The following ARHGEF2 variants were observed in gnomAD, a reference collection of about 807,000 sequenced individuals.
ARHGEF2 encodes the protein Rho/Rac guanine nucleotide exchange factor 2.
A neutral mutation model predicts 121.0 loss-of-function variants in ARHGEF2; 22 were observed. The ratio of observed to expected loss-of-function variants is 0.18; its 90% confidence interval spans 0.13 to 0.26. The LOEUF is 0.26. ARHGEF2 is among the 10% of genes least tolerant of loss of function. ARHGEF2 has a pLI of 1.00. For synonymous variants in ARHGEF2, 487 were observed against 530.0 expected (o/e 0.92, Z 1.11); for missense variants, 907 against 1,336.0 (o/e 0.68, Z 5.01).
chr1:155,964,205 T>C (rs1221589170), intron 7 of ARHGEF2, among the ~76,000 whole-genome samples: 2 of 130,588 alleles, frequency 1.5e-5, no homozygotes, highest in African/African-American at 6.1e-5. Context: ...TATACATATA[T>C]ATATATATAT....
chr1:155,958,247 G>A (rs1677094924), intron 12 of ARHGEF2, 73 bp downstream of exon 12: 1 of 1,273,386 alleles, frequency 7.9e-7, no homozygotes, highest in South Asian at 1.2e-5. Context: ...AGCTCTCGTG[G>A]GCTTGGGCAG....
Position 155,965,243 on chromosome 1 carries a change from T to C in ARHGEF2, c.580+60A>G. ...TCCTTCCAGGCTACTCCCACCAGCC[T>C]CTCATCCCCCAGCCCCTCTTCATGT... On this transcript the variant is annotated intron_variant, in intron 6 of 21. Transcript: ENST00000361247. This position sits in a 1 kb window ranked among gnomAD's most constrained non-coding sequence, Gnocchi z 6.0. 1 of 1,607,146 alleles carries C rather than the reference T, an allele frequency of 6.2e-7. No homozygotes were observed. Among genetic ancestry groups the C allele is most frequent in the East Asian group, 2.2e-5 (1 of 44,808 alleles).
chr1:155,953,265 C>CAAA (rs71827896), intron 14 of ARHGEF2, among the ~76,000 whole-genome samples: 4 of 133,806 alleles, frequency 3.0e-5, no homozygotes, highest in Admixed American at 1.5e-4. Context: ...GACTCTGTCT[C>CAAA]AAAAAAAAAA....
chr1:155,959,574 T>A (rs1467698792), intron 11 of ARHGEF2, among the ~76,000 whole-genome samples: 6 of 152,142 alleles, frequency 3.9e-5, no homozygotes, highest in Admixed American at 3.9e-4. Flanking sequence ...GGACCAAGTA[T>A]CGCTCTGTCG....
Position 155,962,675 on chromosome 1 carries a change from T to A in ARHGEF2, c.1019A>T (p.Glu340Val). 6.2e-7 allele frequency: 1 copy of A among 1,614,064 alleles called. No homozygotes were observed. Residue 340 changes from glutamate (E) to valine (V), a missense_variant, in exon 9 of 22, where the codon GAG becomes GTG. Transcript: ENST00000361247. The surrounding 1 kb of genome is among the most constrained non-coding windows in gnomAD (Gnocchi z 5.8). ...SAEQMCKTYS[E>V]FCSRHSKALK... is the part of the protein sequence containing the mutation. ...GGCCTTGCTGTGGCGGCTGCAGAAC[T>A]CCGAGTAGGTCTTACACATCTGCTC...
At chr1:155,972,349 C>A in intron 1 of ARHGEF2, 1 of 457,836 alleles carries the variant, frequency 2.2e-6, no homozygotes, top group South Asian at 1.5e-5. Context: ...CAGCAGCAAG[C>A]GACCCTGGCA....
At chr1:155,977,517 G>A (rs1408360477) in intron 1 of ARHGEF2, among the ~76,000 whole-genome samples, 1 of 151,428 alleles carries the variant, frequency 6.6e-6, no homozygotes, top group Non-Finnish European at 1.5e-5. Context: ...GAGCGCTGGG[G>A]GAGGAGGAGG....
chr1:155,947,493 C>T lies in ARHGEF2; in HGVS notation c.*449G>A. The stretch of plus-strand genomic sequence containing the variant: ...AAAGGGCAGTAGGGTGCTGTGGCTG[C>T]AGCCTCTCCTCCAAGACGGATGTTG... On this transcript the variant is annotated 3_prime_UTR_variant, in exon 22 of 22. Transcript: ENST00000361247. The T allele has an allele frequency of 2.2e-6, 1 of 447,036 alleles. No homozygotes were observed. The highest frequency in any genetic ancestry group is 4.5e-6 in the Non-Finnish European group (1 of 222,416). The allele number at this position is 447,036 out of a possible 1,614,324, so 27.7% of individuals were successfully genotyped here.
At chr1:155,966,689 G>T in intron 3 of ARHGEF2, 131 bp downstream of exon 3, 1 of 1,161,456 alleles carries the variant, frequency 8.6e-7, no homozygotes. Flanking sequence ...CTGGGGTTGA[G>T]GGTCTGGGCT....
intron 21 of ARHGEF2, among the ~76,000 whole-genome samples, chr1:155,949,672 T>C (rs1422681848): frequency 6.7e-6 from 1 of 149,724 alleles, no homozygotes; most frequent in Non-Finnish European, 1.5e-5. Flanking sequence ...AGGTCAGCCG[T>C]TCAAGACCAA....
intron 1 of ARHGEF2, chr1:155,971,073 A>C (rs1331059551): frequency 3.0e-6 from 3 of 985,844 alleles, no homozygotes; most frequent in Non-Finnish European, 3.6e-6. Context: ...TCTCCCGCCC[A>C]CAGCCTCTCC....
chr1:155,956,844 T>C (rs575101461), intron 13 of ARHGEF2, among the ~76,000 whole-genome samples: 1 of 133,782 alleles, frequency 7.5e-6, no homozygotes, highest in Non-Finnish European at 1.5e-5. Flanking sequence ...TAGTCCCAGC[T>C]ACTCAGGAGG....
Position 155,961,797 on chromosome 1 carries a change from C to T in ARHGEF2, c.1332G>A (p.Glu444=), listed in dbSNP as rs1282141418. 1.9e-6 allele frequency: 3 copies of T among 1,614,110 alleles called. No homozygotes were observed. The highest frequency in any genetic ancestry group is 2.2e-5 in the East Asian group (1 of 44,904). ...CCCGAGGGTCCATGCGGTTGTAGAT[C>T]TCCTGCAGACGGGCCCCTTTCTCCA... ...YQLEKGARLQ[E]IYNRMDPRAQ... Residue 444 remains glutamate (E), a synonymous_variant, in exon 11 of 22, where the codon GAG becomes GAA. Coordinates refer to ENST00000361247, the MANE Select transcript of ARHGEF2 (RefSeq NM_001162383.2). This position sits in a 1 kb window ranked among gnomAD's most constrained non-coding sequence, Gnocchi z 4.7.
At chr1:155,955,623 A>G (rs2102643202) in intron 13 of ARHGEF2, among the ~76,000 whole-genome samples, 1 of 152,286 alleles carries the variant, frequency 6.6e-6, no homozygotes, top group South Asian at 2.1e-4. Flanking sequence ...TCTTCCTCAT[A>G]GGTTTTTCAT....
chr1:155,948,074 C>A, intron 21 of ARHGEF2, 59 bp from the exon 22 acceptor site: 1 of 1,414,484 alleles, frequency 7.1e-7, no homozygotes, highest in Non-Finnish European at 9.7e-7. Context: ...GGAACTGTAC[C>A]CCTAGACTAA....
rs776954620 is a variant in ARHGEF2 at position 155,962,919 on chromosome 1, C to T, written c.975+14G>A. Reference sequence around the variant, plus strand: ...CTTCCATGAATGTCACCCAGGGGTCCTGCCTTTTCCCACCTGGCTGATGAG... The same window carrying T: ...CTTCCATGAATGTCACCCAGGGGTCTTGCCTTTTCCCACCTGGCTGATGAG... On this transcript the variant is annotated intron_variant, in intron 8 of 21. Transcript: ENST00000361247. The surrounding 1 kb of genome is among the most constrained non-coding windows in gnomAD (Gnocchi z 5.8). 1.2e-6 allele frequency: 2 copies of T among 1,614,046 alleles called. No homozygotes were observed. The highest frequency in any genetic ancestry group is 2.2e-5 in the East Asian group (1 of 44,880).
At chr1:155,969,124 TC>T (rs1157247122) in intron 2 of ARHGEF2, 31 bp downstream of exon 2, 1 of 1,611,752 alleles carries the variant, frequency 6.2e-7, no homozygotes, top group Non-Finnish European at 8.5e-7. Context: ...GGGCACCGAG[TC>T]TGGGTGACTC....
rs1196805011 is a variant in ARHGEF2 at position 155,958,309 on chromosome 1, G to C, written c.1545+11C>G. The C allele has an allele frequency of 6.2e-6, 10 of 1,606,632 alleles. No individual in the cohort carries two copies. The highest frequency in any genetic ancestry group is 7.7e-6 in the Non-Finnish European group (9 of 1,173,234). On this transcript the variant is annotated intron_variant, in intron 12 of 21. Coordinates refer to ENST00000361247, the MANE Select transcript of ARHGEF2 (RefSeq NM_001162383.2). ...GTCTGTGCTGAGAAAGGTGAAGAAT[G>C]AATGTCTCACCAGGGTAGGAAAGAT...
chr1:155,961,764 G>C lies in ARHGEF2; in HGVS notation c.1365C>G (p.Thr455=). 6.2e-7 allele frequency: 1 copy of C among 1,614,220 alleles called. No homozygotes were observed. ...IYNRMDPRAQ[T]PVPGKGPFGR... ...CAAAGGGGCCCTTGCCAGGCACTGG[G>C]GTTTGGGCCCGAGGGTCCATGCGGT... The change falls in exon 11 of 22, where the codon ACC becomes ACG. Residue 455 remains threonine (T), a synonymous_variant. Transcript: ENST00000361247. The surrounding 1 kb of genome is among the most constrained non-coding windows in gnomAD (Gnocchi z 4.7).
Sources: allele counts gnomAD v4.1 joint callset (sites outside exome capture counted in the v4.1 genomes callset), GRCh38; gene constraint gnomAD v4.1.1; non-coding constraint Gnocchi (gnomAD v3.1); transcripts MANE v1.5; gene names NCBI Gene and HGNC (gene_info 2026-07-23, HGNC 2026-07-21).